The following CLEC12A variants were observed in gnomAD, a reference collection of about 807,000 sequenced individuals.
CLEC12A encodes the protein C-type lectin protein CLL-1.
CLEC12A carries 22 observed loss-of-function variants against 26.5 expected under a neutral mutation model. The ratio of observed to expected loss-of-function variants is 0.83; its 90% confidence interval spans 0.59 to 1.19. The LOEUF (loss-of-function observed/expected upper bound fraction) is 1.19. CLEC12A is among the 50% of genes most tolerant of loss of function. CLEC12A has a pLI of 0.00. For synonymous variants in CLEC12A, 119 were observed against 101.9 expected (o/e 1.17, Z -1.01); for missense variants, 353 against 315.6 (o/e 1.12, Z -0.90).
At chr12:9,993,417 A>AC (rs1864946134) in intron 4 of CLEC12A, 3 of 778,316 alleles carry the variant, frequency 3.9e-6, no homozygotes, top group Non-Finnish European at 2.1e-6. Context: ...AAAAAAAAAA[A>AC]CGATTCTCAT....
At chr12:9,995,049 C>T (rs769720285) in exon 5 of CLEC12A, 43 of 1,589,936 alleles carry the variant, frequency 2.7e-5, no homozygotes, top group Middle Eastern at 3.4e-4. Context: ...GCTTCTATAA[C>T]CCATAGTAGT....
chr12:9,993,591 T>G (rs542751020), intron 4 of CLEC12A, among the ~76,000 whole-genome samples: 6 of 152,212 alleles, frequency 3.9e-5, no homozygotes, highest in Non-Finnish European at 8.8e-5. Flanking sequence ...AAACGCATTA[T>G]CTACAAGATC....
intron 1 of CLEC12A, chr12:9,951,892 T>G (rs1441919767): frequency 6.4e-6 from 1 of 157,120 alleles, no homozygotes; most frequent in Non-Finnish European, 1.4e-5. Context: ...GTCTTTGAAT[T>G]GTAGCACTGC....
chr12:9,997,032 T>G, downstream of CLEC12A: 1 of 1,612,294 alleles, frequency 6.2e-7, no homozygotes, highest in Non-Finnish European at 8.5e-7. Flanking sequence ...ATGGTGTATT[T>G]TTTCTAAATT....
At chr12:9,981,412 T>G (rs638648) in intron 4 of CLEC12A, among the ~76,000 whole-genome samples, 150,217 of 152,250 alleles carry the variant, frequency 0.99, 74,137 homozygotes, top group Middle Eastern at 1. Flanking sequence ...TTTTCTAAAA[T>G]TCTCTGCTTC....
chr12:9,989,044 T>C (rs1369767277), downstream of CLEC12A, among the ~76,000 whole-genome samples: 1 of 151,900 alleles, frequency 6.6e-6, no homozygotes, highest in African/African-American at 2.4e-5. Flanking sequence ...TAAAAAAGGA[T>C]GAGTTCATGT....
chr12:9,986,424 C>A (rs1053589745), downstream of CLEC12A, among the ~76,000 whole-genome samples: 6 of 136,122 alleles, frequency 4.4e-5, no homozygotes, highest in South Asian at 2.5e-4. Context: ...TCCCCCCCCC[C>A]CTTTTTTTCT....
At chr12:9,999,064 T>C (rs562355555), downstream of CLEC12A, 26 of 1,608,550 alleles carry the variant, frequency 1.6e-5, no homozygotes, top group African/African-American at 3.1e-4. Context: ...TTCCGAGTTT[T>C]AATATTTAAG....
downstream of CLEC12A, chr12:9,996,978 A>G (rs1423765292): frequency 6.2e-7 from 1 of 1,614,124 alleles, no homozygotes; most frequent in Non-Finnish European, 8.5e-7. Flanking sequence ...AGTTTGTGTC[A>G]CAGGGGCTGC....
chr12:9,987,838 C>T (rs979524701), downstream of CLEC12A, among the ~76,000 whole-genome samples: 3 of 151,658 alleles, frequency 2.0e-5, no homozygotes, highest in Admixed American at 6.6e-5. Flanking sequence ...GACAGAGTCT[C>T]GCTCTTGTCA....
chr12:9,963,480 T>A (rs11053526), intron 1 of CLEC12A, among the ~76,000 whole-genome samples: 115,609 of 140,174 alleles, frequency 0.82, 48,511 homozygotes, highest in Middle Eastern at 0.89. Context: ...AGAGAGGCTA[T>A]GGAAGGTCGT....
At chr12:9,972,798 A>G (rs1272038804) in intron 1 of CLEC12A, among the ~76,000 whole-genome samples, 1 of 152,116 alleles carries the variant, frequency 6.6e-6, no homozygotes, top group East Asian at 1.9e-4. Flanking sequence ...ATTTTTTTTT[A>G]GAAAGAAGAA....
chr12:9,978,153 T>A (rs1048240992), intron 1 of CLEC12A, among the ~76,000 whole-genome samples: 1 of 152,172 alleles, frequency 6.6e-6, no homozygotes, highest in Non-Finnish European at 1.5e-5. Flanking sequence ...TATTATGGTA[T>A]CCCTGAATTG....
intron 1 of CLEC12A, among the ~76,000 whole-genome samples, chr12:9,954,290 T>C (rs139503848): frequency 0.022 from 3,292 of 149,338 alleles, 41 homozygotes; most frequent in Middle Eastern, 0.035. Flanking sequence ...AGCCCAGGAG[T>C]TCGAGACCAG....
At chr12:9,969,867 C>T (rs1238017647), upstream of CLEC12A, among the ~76,000 whole-genome samples, 6 of 152,240 alleles carry the variant, frequency 3.9e-5, no homozygotes, top group African/African-American at 1.4e-4. Context: ...CTCAACTCTA[C>T]CACTCACCAA....
At chr12:10,003,347 A>T in the CLEC12A span, among the ~76,000 whole-genome samples, 1 of 152,264 alleles carries the variant, frequency 6.6e-6, no homozygotes, top group Non-Finnish European at 1.5e-5. Flanking sequence ...CCAAAATTAC[A>T]GCAGAGCATT....
chr12:9,964,829 G>C (rs1159693022), intron 1 of CLEC12A, among the ~76,000 whole-genome samples: 2 of 152,134 alleles, frequency 1.3e-5, no homozygotes, highest in Non-Finnish European at 2.9e-5. Flanking sequence ...AATAAACTAA[G>C]TGTGTTCAGG....
chr12:9,951,520 T>A (rs1863609276), intron 1 of CLEC12A: 1 of 636,200 alleles, frequency 1.6e-6, no homozygotes, highest in South Asian at 1.7e-5. Context: ...TAATTGAGTA[T>A]GTGTCTGGAT....
At chr12:9,967,056 C>A (rs185160032), upstream of CLEC12A, among the ~76,000 whole-genome samples, 4,167 of 149,324 alleles carry the variant, frequency 0.028, 192 homozygotes, top group African/African-American at 0.096. Flanking sequence ...GTAAGCTGGG[C>A]CAGGTGTGAG....
Sources: allele counts gnomAD v4.1 joint callset (sites outside exome capture counted in the v4.1 genomes callset), GRCh38; gene constraint gnomAD v4.1.1; transcripts MANE v1.5; gene names NCBI Gene and HGNC (gene_info 2026-07-23, HGNC 2026-07-21).